CDH4: variants seen among roughly 807,000 people sequenced by gnomAD.
CDH4 encodes cadherin 4.
CDH4 carries 33 observed loss-of-function variants against 86.0 expected under a neutral mutation model. The ratio of observed to expected loss-of-function variants is 0.38; its 90% CI spans 0.29 to 0.51. CDH4 has a LOEUF of 0.51. Ranked by LOEUF, CDH4 falls within the 20% of genes least tolerant of loss-of-function variation. CDH4 has a pLI of 0.86. For missense variants in CDH4, 1,114 were observed against 1,307.4 expected, an observed-to-expected ratio of 0.85 and a Z score of 2.28; for synonymous variants, 555 against 549.4, an observed-to-expected ratio of 1.01 and a Z score of -0.14.
rs924614747 is a variant in CDH4 at position 61,811,592 on chromosome 20, G to A, written c.577-33076G>A. On this transcript the variant is annotated intron_variant, in intron 4 of 15. Transcript: ENST00000614565. The surrounding 1 kb of genome is among the most constrained non-coding windows in gnomAD (Gnocchi z 4.4). ...CTTGCCAGTGCTACTGTGTGAAAGC[G>A]GAGCCCACCAGCCCACAAATGAGCC... 6.6e-6 allele frequency among the ~76,000 whole-genome samples: 1 copy of A among 152,038 alleles called. No individual in the cohort carries two copies. The highest frequency in any genetic ancestry group is 2.4e-5 in the African/African-American group (1 of 41,384).
At chr20:61,302,142 A>G (rs930405309) in intron 2 of CDH4, among the ~76,000 whole-genome samples, 1 of 152,326 alleles carries the variant, frequency 6.6e-6, no homozygotes, top group African/African-American at 2.4e-5. Flanking sequence ...TTTTGTGGGG[A>G]GAGAGAGCAT....
At chr20:61,380,062 A>G (rs1342779545) in intron 2 of CDH4, among the ~76,000 whole-genome samples, 1 of 152,194 alleles carries the variant, frequency 6.6e-6, no homozygotes, top group Non-Finnish European at 1.5e-5. Context: ...GCAAGGATGC[A>G]TAGGGAGAGA....
intron 1 of CDH4, 148 bp from the exon 2 acceptor site, chr20:61,254,678 A>C (rs959117819): frequency 1.5e-6 from 1 of 652,758 alleles, no homozygotes. Flanking sequence ...AGAGGAGCAG[A>C]CGGGGTATCG....
rs11472416 is a variant in CDH4 at position 61,262,964 on chromosome 20, TGAGAGA to T, written c.169+8043_169+8048del. Among the ~76,000 whole-genome samples, 5 of 148,104 alleles carry T rather than the reference TGAGAGA, an allele frequency of 3.4e-5. No homozygotes were observed. The East Asian group carries it at 1.0e-3, about 30-fold the overall frequency. On this transcript the variant is annotated intron_variant, in intron 2 of 15. Transcript: ENST00000614565. ...GTAGATGCCAGGACTAATCATGAACTGAGAGAGAGAGAGAGAGAGAGCAAGCAAGCA... is the reference window on the plus strand; with the variant it reads ...GTAGATGCCAGGACTAATCATGAACTGAGAGAGAGAGAGAGCAAGCAAGCA...
intron 2 of CDH4, among the ~76,000 whole-genome samples, chr20:61,318,508 T>A (rs889765808): frequency 6.6e-6 from 1 of 152,210 alleles, no homozygotes; most frequent in Non-Finnish European, 1.5e-5. Flanking sequence ...GAAAACCTTA[T>A]CCATTTGGTT....
At chr20:61,693,199 C>G (rs1043639833) in intron 2 of CDH4, among the ~76,000 whole-genome samples, 3 of 152,308 alleles carry the variant, frequency 2.0e-5, no homozygotes, top group Non-Finnish European at 2.9e-5. Flanking sequence ...CGGGTACGAG[C>G]AGTCACTCCA....
intron 2 of CDH4, among the ~76,000 whole-genome samples, chr20:61,624,030 C>T (rs540939778): frequency 2.0e-5 from 3 of 152,154 alleles, no homozygotes; most frequent in African/African-American, 4.8e-5. Context: ...CTGGTTCCAA[C>T]GTTTTCTCGC....
chr20:61,610,242 A>T (rs1600804849), intron 2 of CDH4, among the ~76,000 whole-genome samples: 1 of 152,264 alleles, frequency 6.6e-6, no homozygotes, highest in Non-Finnish European at 1.5e-5. Context: ...TGGGACTGAG[A>T]ACGTGTGGTG....
chr20:61,925,898 G>A (rs1051029676), intron 11 of CDH4, among the ~76,000 whole-genome samples: 6 of 152,110 alleles, frequency 3.9e-5, no homozygotes, highest in East Asian at 1.9e-4. Flanking sequence ...AAAGCCCCAC[G>A]CAAGTCCTCC....
At chr20:61,465,519 G>T (rs2085467172) in intron 2 of CDH4, among the ~76,000 whole-genome samples, 1 of 152,188 alleles carries the variant, frequency 6.6e-6, no homozygotes, top group South Asian at 2.1e-4. Context: ...CTGCAGGAGG[G>T]ACAGTGCCTA....
At chr20:61,306,092 C>G (rs1348219076) in intron 2 of CDH4, among the ~76,000 whole-genome samples, 2 of 152,176 alleles carry the variant, frequency 1.3e-5, no homozygotes, top group African/African-American at 4.8e-5. Flanking sequence ...CCATCACGCT[C>G]TTGAAAACTT....
At chr20:61,522,441 A>G (rs1278692941) in intron 2 of CDH4, among the ~76,000 whole-genome samples, 2 of 152,164 alleles carry the variant, frequency 1.3e-5, no homozygotes, top group Non-Finnish European at 2.9e-5. Flanking sequence ...CTGACACCAA[A>G]TGTCGCATCC....
At chr20:61,707,927 T>C (rs1419519081) in intron 2 of CDH4, among the ~76,000 whole-genome samples, 2 of 152,154 alleles carry the variant, frequency 1.3e-5, no homozygotes, top group Non-Finnish European at 2.9e-5. Flanking sequence ...GTTTCCACGT[T>C]ATGCCTGCGG....
chr20:61,565,228 T>TCGC (rs199958206), intron 2 of CDH4, among the ~76,000 whole-genome samples: 1 of 29,258 alleles, frequency 3.4e-5, no homozygotes, highest in Admixed American at 3.3e-4. Flanking sequence ...TGGTAGGTGG[T>TCGC]GGTGGTGGTG....
In CDH4 at chr20:61,722,006, C is replaced by G. The variant is rs141489988; in HGVS notation, c.170-21557C>G. Among the ~76,000 whole-genome samples the G allele has an allele frequency of 8.3e-4, 127 of 152,272 alleles. 1 individual carries two copies. Among genetic ancestry groups the G allele is most frequent in the Admixed American group, 1.5e-3 (23 of 15,298 alleles). ...GCTCAAGGACAGAAGACAGAAACCT[C>G]ACAACCTCCACCTTCAGGCACCTCA... On this transcript the variant is annotated intron_variant, in intron 2 of 15. Coordinates refer to ENST00000614565, the MANE Select transcript of CDH4 (RefSeq NM_001794.5).
chr20:61,623,627 T>C lies in CDH4; in HGVS notation c.170-119936T>C, dbSNP rs2086799347. ...CTACATGAGCATCATTCGTGCAAAG[T>C]GCATCACAGCTGATTCTGAGGGAGG... On this transcript the variant is annotated intron_variant, in intron 2 of 15. Coordinates refer to ENST00000614565, the MANE Select transcript of CDH4 (RefSeq NM_001794.5). The surrounding 1 kb of genome is among the most constrained non-coding windows in gnomAD (Gnocchi z 4.4). Among the ~76,000 whole-genome samples, 1 of 152,168 alleles carries C rather than the reference T, an allele frequency of 6.6e-6. No individual in the cohort carries two copies. The highest frequency in any genetic ancestry group is 2.4e-5 in the African/African-American group (1 of 41,446).
At chr20:61,573,100 G>A (rs1443295501) in intron 2 of CDH4, among the ~76,000 whole-genome samples, 1 of 152,180 alleles carries the variant, frequency 6.6e-6, no homozygotes, top group African/African-American at 2.4e-5. Flanking sequence ...TTGGACGGAT[G>A]GATGGGGTGG....
intron 2 of CDH4, among the ~76,000 whole-genome samples, chr20:61,345,547 G>A (rs6028132): frequency 0.2 from 30,187 of 152,228 alleles, 3,000 homozygotes; most frequent in Middle Eastern, 0.34. Flanking sequence ...TGGAAAATCT[G>A]TAATAACAAC....
At chr20:61,738,570 C>CTGACCTG (rs2088293908) in intron 2 of CDH4, 1 of 152,306 alleles carries the variant, frequency 6.6e-6, no homozygotes. Flanking sequence ...AACACCCCAG[C>CTGACCTG]AGGACCTGAG....
Sources: gnomAD v4.1 joint callset for allele counts (sites outside exome capture counted in the v4.1 genomes callset) on GRCh38, gnomAD v4.1.1 for gene constraint, Gnocchi (gnomAD v3.1) non-coding constraint, MANE v1.5 for transcripts, NCBI Gene and HGNC (gene_info 2026-07-23, HGNC 2026-07-21) for gene names.